Variants in SPATA16 observed in about 807,000 individuals in gnomAD.
SPATA16 encodes spermatogenesis-associated protein 16.
A neutral mutation model predicts 63.3 loss-of-function variants in SPATA16; 36 were observed. That is an observed-to-expected ratio of 0.57 (90% CI 0.44 to 0.75). The LOEUF (loss-of-function observed/expected upper bound fraction) is 0.75, where lower values mean the gene tolerates loss of function less well. Among genes scored for constraint, SPATA16 ranks in the 30% least tolerant of loss-of-function variants. SPATA16 has a pLI of 0.00. For synonymous variants in SPATA16, 203 were observed against 216.7 expected (o/e 0.94, Z 0.56); for missense variants, 646 against 679.3 (o/e 0.95, Z 0.54).
intron 6 of SPATA16, among the ~76,000 whole-genome samples, chr3:172,951,578 G>A (rs1733434610): frequency 6.6e-6 from 1 of 152,072 alleles, no homozygotes; most frequent in South Asian, 2.1e-4. Context: ...TTTTTCCCAT[G>A]GATATCCCTG....
intron 3 of SPATA16, among the ~76,000 whole-genome samples, chr3:173,043,474 A>T (rs1489571459): frequency 2.0e-5 from 3 of 151,918 alleles, no homozygotes; most frequent in Non-Finnish European, 2.9e-5. Context: ...TTACATTGGC[A>T]TGTGTAATCT....
chr3:173,037,908 G>T (rs1245665058), intron 3 of SPATA16, among the ~76,000 whole-genome samples: 1 of 152,044 alleles, frequency 6.6e-6, no homozygotes, highest in Non-Finnish European at 1.5e-5. Context: ...GCCTGTTAAG[G>T]CTAATGCTAT....
rs1474981899 is a variant in SPATA16 at position 173,117,152 on chromosome 3, AG to A, written c.579del (p.Leu194TrpfsTer30). On this transcript the variant is annotated frameshift_variant, in exon 2 of 11. Transcript: ENST00000351008. LOFTEE classifies it high-confidence loss of function. ...ASSCYRQKKY[A>X]LAAGQFRTAL... ...GCTGTTCTGAACTGTCCTGCTGCCAAGGCGTATTTCTTTTGTCTATAGCAAG... is the reference window on the plus strand; with the variant it reads ...GCTGTTCTGAACTGTCCTGCTGCCAAGCGTATTTCTTTTGTCTATAGCAAG... 5.0e-6 allele frequency: 8 copies of A among 1,613,966 alleles called. No individual in the cohort carries two copies. In the East Asian group the frequency reaches 1.8e-4, roughly 36 times the overall value.
chr3:172,925,736 T>C (rs562874762), intron 6 of SPATA16, among the ~76,000 whole-genome samples: 4 of 152,350 alleles, frequency 2.6e-5, no homozygotes, highest in Non-Finnish European at 4.4e-5. Flanking sequence ...CTAGATCACA[T>C]GGTCATCTTT....
At chr3:173,068,353 C>A (rs939741933) in intron 2 of SPATA16, among the ~76,000 whole-genome samples, 4 of 152,016 alleles carry the variant, frequency 2.6e-5, no homozygotes, top group African/African-American at 9.7e-5. Context: ...TGGGAGAAAA[C>A]GGTTGAAGTG....
At chr3:172,900,653 G>GT (rs1732108517) in intron 10 of SPATA16, among the ~76,000 whole-genome samples, 1 of 150,800 alleles carries the variant, frequency 6.6e-6, no homozygotes, top group African/African-American at 2.4e-5. Flanking sequence ...GTTTGTTTTT[G>GT]TTTTTTTGGT....
At chr3:172,917,249 A>G (rs1384564023) in intron 8 of SPATA16, among the ~76,000 whole-genome samples, 1 of 152,248 alleles carries the variant, frequency 6.6e-6, no homozygotes, top group Non-Finnish European at 1.5e-5. Flanking sequence ...TGTTTAATAC[A>G]AATTGTAATG....
intron 10 of SPATA16, among the ~76,000 whole-genome samples, chr3:172,900,734 G>A (rs577344609): frequency 4.0e-4 from 61 of 151,986 alleles, no homozygotes; most frequent in African/African-American, 1.4e-3. Flanking sequence ...TCCGCCTCCC[G>A]GATTCAAGTG....
intron 3 of SPATA16, among the ~76,000 whole-genome samples, chr3:173,028,032 TTCCTTC>T (rs1560101042): frequency 5.8e-5 from 4 of 68,594 alleles, no homozygotes; most frequent in African/African-American, 1.9e-4. Flanking sequence ...CTTTCCTTCC[TTCCTTC>T]CTTCCTTCCT....
At chr3:172,929,640 C>A (rs1007027233) in intron 6 of SPATA16, among the ~76,000 whole-genome samples, 7 of 152,108 alleles carry the variant, frequency 4.6e-5, no homozygotes, top group African/African-American at 1.7e-4. Flanking sequence ...CAGCTGTCCC[C>A]AGCTCACTGA....
chr3:172,928,385 G>A (rs1214727127), intron 6 of SPATA16, among the ~76,000 whole-genome samples: 2 of 152,280 alleles, frequency 1.3e-5, no homozygotes, highest in African/African-American at 4.8e-5. Flanking sequence ...CTTTGCAAGC[G>A]AATACTATTT....
intron 4 of SPATA16, among the ~76,000 whole-genome samples, chr3:172,989,629 A>G (rs770349805): frequency 1.7e-4 from 26 of 152,178 alleles, no homozygotes; most frequent in Non-Finnish European, 3.1e-4. Flanking sequence ...TGCCAACCTC[A>G]TGGAGTTGTC....
chr3:172,975,184 G>A (rs1734125172), intron 5 of SPATA16, among the ~76,000 whole-genome samples: 2 of 152,184 alleles, frequency 1.3e-5, no homozygotes, highest in Non-Finnish European at 1.5e-5. Flanking sequence ...TTGGAAGGAG[G>A]CATGTCTCAC....
At chr3:173,052,882 C>T (rs979350840) in intron 2 of SPATA16, among the ~76,000 whole-genome samples, 7 of 152,268 alleles carry the variant, frequency 4.6e-5, no homozygotes, top group Non-Finnish European at 1.0e-4. Context: ...AATAGTATAT[C>T]ACTGAGAAGA....
intron 3 of SPATA16, among the ~76,000 whole-genome samples, chr3:173,023,947 A>T (rs1735395407): frequency 6.6e-6 from 1 of 150,782 alleles, no homozygotes; most frequent in South Asian, 2.1e-4. Context: ...ATATATTACT[A>T]TGAATATAAT....
chr3:173,059,834 T>G (rs1236906031), intron 2 of SPATA16, among the ~76,000 whole-genome samples: 1 of 23,794 alleles, frequency 4.2e-5, no homozygotes, highest in Non-Finnish European at 8.7e-5. Context: ...TTTGGTAGCT[T>G]TTTTTTTTTT....
At chr3:173,045,804 A>G (rs1200128469) in intron 3 of SPATA16, among the ~76,000 whole-genome samples, 3 of 151,966 alleles carry the variant, frequency 2.0e-5, no homozygotes, top group African/African-American at 7.3e-5. Context: ...TGTATTTTCT[A>G]TTTATAACTG....
At chr3:172,952,835 G>A (rs1445289504) in intron 6 of SPATA16, among the ~76,000 whole-genome samples, 1 of 150,944 alleles carries the variant, frequency 6.6e-6, no homozygotes, top group African/African-American at 2.4e-5. Context: ...AGCTACTTGG[G>A]AGGCTGAGGC....
intron 6 of SPATA16, among the ~76,000 whole-genome samples, chr3:172,944,315 A>C (rs1011163857): frequency 2.0e-5 from 3 of 152,256 alleles, no homozygotes; most frequent in Non-Finnish European, 2.9e-5. Context: ...GTGAGATACC[A>C]CTTCATATCT....
Sources: allele counts gnomAD v4.1 joint callset (sites outside exome capture counted in the v4.1 genomes callset), GRCh38; gene constraint gnomAD v4.1.1; transcripts MANE v1.5; gene names NCBI Gene and HGNC (gene_info 2026-07-23, HGNC 2026-07-21).